The following DHX8 variants were observed in gnomAD, a reference collection of about 807,000 sequenced individuals.
DHX8 encodes ATP-dependent RNA helicase DHX8.
In DHX8, 67 loss-of-function variants were observed where a neutral mutation model predicts 140.7. That is an observed-to-expected ratio of 0.48 (90% CI 0.39 to 0.58). The LOEUF (loss-of-function observed/expected upper bound fraction) is 0.58, where lower values mean the gene tolerates loss of function less well. Ranked by LOEUF, DHX8 falls within the 20% of genes least tolerant of loss-of-function variation. The probability of loss-of-function intolerance (pLI) is 0.00; values close to 1 mark genes in which losing one functional copy is unlikely to be tolerated. For synonymous variants in DHX8, 533 were observed against 553.2 expected, an observed-to-expected ratio of 0.96 and a Z score of 0.51; for missense variants, 887 against 1,550.7, an observed-to-expected ratio of 0.57 and a Z score of 7.19.
intron 16 of DHX8, among the ~76,000 whole-genome samples, chr17:43,511,456 A>ATTTTGTTTTTTTTTTTTTTTTT (rs1969822523): frequency 1.8e-5 from 1 of 56,790 alleles, no homozygotes. Context: ...TGATCCCAGC[A>ATTTTGTTTTTTTTTTTTTTTTT]TTTTTTTTTT....
intron 6 of DHX8, 75 bp downstream of exon 6, chr17:43,493,115 A>G: frequency 6.5e-7 from 1 of 1,536,800 alleles, no homozygotes; most frequent in East Asian, 2.3e-5. Context: ...TTCACATTCT[A>G]AAAAGTTACT....
intron 3 of DHX8, 48 bp from the exon 4 acceptor site, chr17:43,491,117 A>T (rs1968492444): frequency 2.5e-6 from 2 of 807,446 alleles, no homozygotes; most frequent in South Asian, 2.7e-5. Context: ...AATAATATTA[A>T]ATATATATCT....
chr17:43,498,188 A>G lies in DHX8; in HGVS notation c.1301-674A>G, dbSNP rs560147478. On this transcript the variant is annotated intron_variant, in intron 9 of 22. Transcript: ENST00000262415. ...AGACGGGGTTTCGTTCTTGTTGCCC[A>G]GGCTGGAGTGCAGTGGCACGGTCTT... Among the ~76,000 whole-genome samples the G allele has an allele frequency of 1.2e-4, 18 of 150,138 alleles. 1 individual carries two copies. The highest frequency in any genetic ancestry group is 3.7e-4 in the African/African-American group (15 of 40,744).
chr17:43,542,568 C>T (rs1046069939), intron 3 of DHX8, among the ~76,000 whole-genome samples: 1 of 152,100 alleles, frequency 6.6e-6, no homozygotes, highest in African/African-American at 2.4e-5. Context: ...ATCCCAGGCA[C>T]CCCCAAATCA....
At chr17:43,522,789 C>T (rs548471675) in intron 22 of DHX8, among the ~76,000 whole-genome samples, 46 of 146,792 alleles carry the variant, frequency 3.1e-4, no homozygotes, top group Admixed American at 2.6e-3. Context: ...AGGGGCTAGG[C>T]ATGGTGGCTC....
chr17:43,504,589 G>T, intron 11 of DHX8, 55 bp from the exon 12 acceptor site: 1 of 1,516,304 alleles, frequency 6.6e-7, no homozygotes, highest in Admixed American at 2.2e-5. Flanking sequence ...TTTTTTTCCT[G>T]GTACATCTTG....
intron 2 of DHX8, chr17:43,533,780 C>T (rs1971088128): frequency 6.4e-7 from 1 of 1,550,394 alleles, no homozygotes; most frequent in Non-Finnish European, 8.7e-7. Context: ...TCAGCTGCTG[C>T]CTCTGCTCAT....
At chr17:43,511,428 C>A (rs1469196178) in intron 16 of DHX8, among the ~76,000 whole-genome samples, 2 of 139,112 alleles carry the variant, frequency 1.4e-5, no homozygotes, top group East Asian at 4.4e-4. Context: ...GTGAGCCAGG[C>A]GCAGTGGCTT....
intron 9 of DHX8, among the ~76,000 whole-genome samples, chr17:43,496,736 C>T (rs1349728787): frequency 4.0e-5 from 6 of 151,562 alleles, no homozygotes; most frequent in Admixed American, 1.3e-4. Flanking sequence ...GCCGAGATCG[C>T]GCCACTGTAC....
Position 43,523,794 on chromosome 17 carries a change from C to T in DHX8, c.3610C>T (p.Arg1204Cys). Reference sequence around the variant, plus strand: ...ACAGCGTCTTGAACCCTTGTACAACCGCTATGAGGAACCCAATGCCTGGAG... The same window carrying T: ...ACAGCGTCTTGAACCCTTGTACAACTGCTATGAGGAACCCAATGCCTGGAG... ...KQQRLEPLYN[R>C]YEEPNAWRIS... Residue 1204 changes from arginine (R) to cysteine (C), a missense_variant, in exon 23 of 23, where the codon CGC (arginine) becomes TGC (cysteine). By Grantham distance (180) the Arg-to-Cys change is radical. Coordinates refer to ENST00000262415, the MANE Select transcript of DHX8 (RefSeq NM_004941.3). 6.2e-7 allele frequency: 1 copy of T among 1,614,182 alleles called. No individual in the cohort carries two copies. The highest frequency in any genetic ancestry group is 8.5e-7 in the Non-Finnish European group (1 of 1,180,044).
chr17:43,519,891 A>C (rs72833134), intron 18 of DHX8: 91,923 of 382,142 alleles, frequency 0.24, 12,134 homozygotes, highest in East Asian at 0.37. Context: ...CAGTGAGCTG[A>C]GATTGGGCCA....
intron 16 of DHX8, among the ~76,000 whole-genome samples, chr17:43,512,858 A>T (rs1349097546): frequency 6.6e-6 from 1 of 152,148 alleles, no homozygotes; most frequent in African/African-American, 2.4e-5. Context: ...GTGTCATCTC[A>T]TGGTTCATTT....
chr17:43,532,568 T>A, intron 2 of DHX8: 1 of 1,007,518 alleles, frequency 9.9e-7, no homozygotes, highest in South Asian at 1.7e-5. Flanking sequence ...GGTGGGTGGG[T>A]TGGATGTATG....
chr17:43,539,397 G>T (rs1247573128), intron 3 of DHX8, among the ~76,000 whole-genome samples: 1 of 152,106 alleles, frequency 6.6e-6, no homozygotes, highest in East Asian at 1.9e-4. Flanking sequence ...AACCAAAGTG[G>T]TTCCTCCTGG....
intron 3 of DHX8, 46 bp from the exon 4 acceptor site, chr17:43,491,117 AAT>A (rs541059998): frequency 7.4e-6 from 6 of 807,446 alleles, no homozygotes; most frequent in Non-Finnish European, 1.1e-5. Context: ...AATAATATTA[AAT>A]ATATATCTCT....
chr17:43,528,391 T>C (rs531425765), downstream of DHX8: 4 of 653,280 alleles, frequency 6.1e-6, no homozygotes, highest in African/African-American at 3.6e-5. Context: ...CTAGGGCAAC[T>C]GGTAGGACAG....
intron 3 of DHX8, among the ~76,000 whole-genome samples, chr17:43,542,098 A>AT (rs1971553584): frequency 6.6e-6 from 1 of 152,146 alleles, no homozygotes; most frequent in African/African-American, 2.4e-5. Context: ...GGACAGCCAA[A>AT]GGGCAAAGGG....
chr17:43,491,561 C>T (rs1473720726), intron 4 of DHX8, among the ~76,000 whole-genome samples: 3 of 151,222 alleles, frequency 2.0e-5, no homozygotes, highest in Non-Finnish European at 2.9e-5. Flanking sequence ...TGTTAAAGGT[C>T]TAATTTTTAA....
rs1380094418 is a variant in DHX8 at position 43,525,245 on chromosome 17, T to C, written c.*1398T>C. The C allele has an allele frequency of 5.5e-5, 54 of 985,480 alleles. No homozygotes were observed. The highest frequency in any genetic ancestry group is 5.2e-4 in the Middle Eastern group (1 of 1,914). The allele number at this position is 985,480 out of a possible 1,614,324, so 61.0% of individuals were successfully genotyped here. A position where few individuals can be genotyped will look rare whatever the true frequency, so the allele number is the denominator to read the frequency against. On this transcript the variant is annotated 3_prime_UTR_variant, in exon 23 of 23. Transcript: ENST00000262415. ...TACGTTGCTGCTTCTCCTGTCCTTA[T>C]GTTATTAGTAAGTTCTGAAGTGATG...
Sources: gnomAD v4.1 joint callset for allele counts (sites outside exome capture counted in the v4.1 genomes callset) on GRCh38, gnomAD v4.1.1 for gene constraint, MANE v1.5 for transcripts, NCBI Gene and HGNC (gene_info 2026-07-23, HGNC 2026-07-21) for gene names.